EPHA6: variants seen among roughly 807,000 people sequenced by gnomAD.
EPHA6 encodes the protein ephrin type-A receptor 6.
In EPHA6, 50 loss-of-function variants were observed where a neutral mutation model predicts 112.0. The observed-to-expected ratio is 0.45, with a 90% CI of 0.36 to 0.56. The LOEUF (loss-of-function observed/expected upper bound fraction) is 0.56, where lower values mean the gene tolerates loss of function less well. Ranked by LOEUF, EPHA6 falls within the 20% of genes least tolerant of loss-of-function variation. EPHA6 has a pLI of 0.00. For synonymous variants in EPHA6, 529 were observed against 490.7 expected (o/e 1.08, Z -1.03); for missense variants, 1,280 against 1,417.4 (o/e 0.90, Z 1.56).
chr3:97,645,531 G>T (rs1472830959), intron 14 of EPHA6, among the ~76,000 whole-genome samples: 14 of 115,574 alleles, frequency 1.2e-4, no homozygotes, highest in Admixed American at 4.1e-4. Flanking sequence ...GGGGGGAGGG[G>T]GGAGGGATAG....
intron 3 of EPHA6, among the ~76,000 whole-genome samples, chr3:97,030,814 A>C (rs1481415124): frequency 6.6e-6 from 1 of 152,050 alleles, no homozygotes; most frequent in Non-Finnish European, 1.5e-5. Context: ...AATCATGTAT[A>C]CTATTTGTAA....
intron 2 of EPHA6, among the ~76,000 whole-genome samples, chr3:96,974,941 C>T (rs1436076254): frequency 3.3e-5 from 5 of 152,042 alleles, no homozygotes; most frequent in Non-Finnish European, 7.4e-5. Context: ...TCATAAGTCC[C>T]AGAGAGGGGG....
intron 3 of EPHA6, among the ~76,000 whole-genome samples, chr3:97,157,722 C>T (rs1048139597): frequency 6.6e-6 from 1 of 152,060 alleles, no homozygotes. Flanking sequence ...TGAGAAAAGA[C>T]CAGTGTCCCA....
chr3:97,527,344 T>C (rs1313801230), intron 10 of EPHA6, among the ~76,000 whole-genome samples: 2 of 152,194 alleles, frequency 1.3e-5, no homozygotes, highest in African/African-American at 4.8e-5. Flanking sequence ...GGCTCCACTC[T>C]GGTTTCACAA....
chr3:97,596,777 CATATATATATATATATATATAT>C (rs57541953), intron 12 of EPHA6, among the ~76,000 whole-genome samples: 9 of 106,210 alleles, frequency 8.5e-5, no homozygotes, highest in Non-Finnish European at 1.7e-4. Context: ...AACTCATATA[CATATATATATATATATATATAT>C]ATATATATAT....
intron 16 of EPHA6, among the ~76,000 whole-genome samples, chr3:97,739,850 A>T (rs1206471020): frequency 6.6e-6 from 1 of 152,168 alleles, no homozygotes; most frequent in Non-Finnish European, 1.5e-5. Context: ...CCTTTCATAA[A>T]TGTGAATTTC....
chr3:97,348,211 A>AT (rs1577052811), intron 5 of EPHA6, among the ~76,000 whole-genome samples: 2 of 152,226 alleles, frequency 1.3e-5, no homozygotes, highest in East Asian at 3.9e-4. Flanking sequence ...CTAAAATTCT[A>AT]CCTTTATTCT....
intron 3 of EPHA6, among the ~76,000 whole-genome samples, chr3:97,095,878 A>G (rs1361035254): frequency 6.6e-6 from 1 of 152,080 alleles, no homozygotes. Flanking sequence ...AAGTTCCTAA[A>G]TGATGCTGAT....
At chr3:97,268,768 T>C (rs1252646157) in intron 5 of EPHA6, among the ~76,000 whole-genome samples, 2 of 152,192 alleles carry the variant, frequency 1.3e-5, no homozygotes, top group Non-Finnish European at 2.9e-5. Context: ...CAGAGCTCTA[T>C]CTTTAGAGGA....
chr3:97,599,088 C>T (rs1407340823), intron 12 of EPHA6, among the ~76,000 whole-genome samples: 1 of 152,036 alleles, frequency 6.6e-6, no homozygotes, highest in African/African-American at 2.4e-5. Context: ...CTGTTCATGT[C>T]CTTTGCCCAC....
chr3:97,625,667 GT>G (rs1416801846), intron 13 of EPHA6, among the ~76,000 whole-genome samples: 1 of 151,208 alleles, frequency 6.6e-6, no homozygotes, highest in African/African-American at 2.4e-5. Context: ...GTCAATTTTT[GT>G]TTCATATATT....
intron 10 of EPHA6, among the ~76,000 whole-genome samples, chr3:97,521,909 T>C (rs999563939): frequency 1.4e-5 from 2 of 140,848 alleles, no homozygotes; most frequent in African/African-American, 2.7e-5. Flanking sequence ...AACTGTCTTC[T>C]GGAGAGCCTT....
intron 3 of EPHA6, among the ~76,000 whole-genome samples, chr3:97,148,951 G>T (rs760908385): frequency 5.9e-5 from 9 of 152,018 alleles, no homozygotes; most frequent in African/African-American, 9.7e-5. Flanking sequence ...TCATATTTTG[G>T]CCCCTCTTGC....
chr3:97,388,666 TA>T (rs1363839488), intron 5 of EPHA6, among the ~76,000 whole-genome samples: 1 of 152,174 alleles, frequency 6.6e-6, no homozygotes, highest in Non-Finnish European at 1.5e-5. Context: ...CCTCGGCTAC[TA>T]AACTGGGGAG....
intron 6 of EPHA6, among the ~76,000 whole-genome samples, chr3:97,444,430 T>C (rs375931118): frequency 6.6e-6 from 1 of 152,200 alleles, no homozygotes; most frequent in African/African-American, 2.4e-5. Flanking sequence ...ACACCTGCAT[T>C]TCTGACATTA....
intron 2 of EPHA6, among the ~76,000 whole-genome samples, chr3:96,919,631 A>G (rs2039660565): frequency 6.6e-6 from 1 of 151,856 alleles, no homozygotes; most frequent in Admixed American, 6.6e-5. Flanking sequence ...ACTTGTAGGT[A>G]TCGGATACTA....
intron 2 of EPHA6, among the ~76,000 whole-genome samples, chr3:96,975,689 A>G (rs569279296): frequency 5.9e-5 from 9 of 152,276 alleles, no homozygotes; most frequent in African/African-American, 2.2e-4. Flanking sequence ...AAAACTTCTC[A>G]TTGAGCAGGA....
At chr3:96,974,020 A>G (rs1179095263) in intron 2 of EPHA6, among the ~76,000 whole-genome samples, 2 of 145,372 alleles carry the variant, frequency 1.4e-5, no homozygotes, top group African/African-American at 5.0e-5. Context: ...AATAAAATAT[A>G]TAAAATATGT....
intron 3 of EPHA6, among the ~76,000 whole-genome samples, chr3:97,091,068 G>A (rs143863677): frequency 6.6e-5 from 10 of 152,170 alleles, no homozygotes; most frequent in African/African-American, 2.2e-4. Context: ...AGGCCTTGTA[G>A]TTAAGATATT....
Sources: allele counts gnomAD v4.1 joint callset (sites outside exome capture counted in the v4.1 genomes callset), GRCh38; gene constraint gnomAD v4.1.1; transcripts MANE v1.5; gene names NCBI Gene and HGNC (gene_info 2026-07-23, HGNC 2026-07-21).